Variants in ADAMTS20 observed in about 807,000 individuals in gnomAD.
ADAMTS20 encodes A disintegrin and metalloproteinase with thrombospondin motifs 20.
ADAMTS20 carries 225 observed loss-of-function variants against 260.1 expected under a neutral mutation model. The ratio of observed to expected loss-of-function variants is 0.87; its 90% CI spans 0.78 to 0.97. The LOEUF (loss-of-function observed/expected upper bound fraction) is 0.97. Ranked by LOEUF, ADAMTS20 falls within the 50% of genes least tolerant of loss-of-function variation. ADAMTS20 has a pLI of 0.00. For missense variants in ADAMTS20, 2,400 were observed against 2,337.7 expected, an observed-to-expected ratio of 1.03 and a Z score of -0.55; for synonymous variants, 802 against 769.5, an observed-to-expected ratio of 1.04 and a Z score of -0.70.
At chr12:43,455,584 T>C (rs900416396) in intron 11 of ADAMTS20, among the ~76,000 whole-genome samples, 15 of 152,164 alleles carry the variant, frequency 9.9e-5, no homozygotes, top group African/African-American at 1.9e-4. Context: ...CATCTCCCAA[T>C]ACTGTTACAC....
In ADAMTS20 at chr12:43,551,197, G is replaced by A; in HGVS notation, c.165C>T (p.Phe55=). 1 of 1,613,888 alleles carries A rather than the reference G, an allele frequency of 6.2e-7. No individual in the cohort carries two copies. The highest frequency in any genetic ancestry group is 8.5e-7 in the Non-Finnish European group (1 of 1,179,874). Residue 55 remains phenylalanine (F), a synonymous_variant, in exon 2 of 39, where the codon TTC becomes TTT. Coordinates refer to ENST00000389420, the MANE Select transcript of ADAMTS20 (RefSeq NM_025003.5). The surrounding 1 kb of genome is among the most constrained non-coding windows in gnomAD (Gnocchi z 4.6). ...GCCGGCTGAAGTGGTGGCTCTGAGG[G>A]AACACTTCTCCAAACTCATTGACCC... is the stretch of plus-strand genomic sequence containing the variant. ...PERVNEFGEV[F]PQSHHFSRQK...
rs2137382680 is a variant in ADAMTS20, at chr12:43,466,772, T to C, written c.1247A>G (p.Asn416Ser). The change falls in exon 9 of 39, where the codon AAT becomes AGT. Residue 416 changes from asparagine (N) to serine (S), a missense_variant. Physicochemically the swap from Asn to Ser is conservative, Grantham distance 46 (BLOSUM62 1). Coordinates refer to ENST00000389420, the MANE Select transcript of ADAMTS20 (RefSeq NM_025003.5). ...AACTTTCATTTCTTTACATCTAGGA[T>C]TATCATCATGTTGAACACCAAGTCT... is the stretch of plus-strand genomic sequence containing the variant. ...GHTLGVQHDDNPRCKEMKVTK... is the reference protein window; with the variant it reads ...GHTLGVQHDDSPRCKEMKVTK... 2 of 1,603,080 alleles carry C rather than the reference T, an allele frequency of 1.2e-6. No homozygotes were observed. Among genetic ancestry groups the C allele is most frequent in the Non-Finnish European group, 1.7e-6 (2 of 1,173,838 alleles).
In ADAMTS20 at chr12:43,434,368, A is replaced by T. The variant is rs1174054723; in HGVS notation, c.2597T>A (p.Leu866His). The change falls in exon 19 of 39, where the codon CTT becomes CAT. Residue 866 changes from leucine to histidine, a missense_variant. Leu to His is a moderately conservative substitution (Grantham distance 99, BLOSUM62 -3). Coordinates refer to ENST00000389420, the MANE Select transcript of ADAMTS20 (RefSeq NM_025003.5). ...WEGCTKMCQG[L>H]QRRNITCIHK... ...TATGCAAGTTATGTTTCTTCGCTGAAGACCTTGGCCAAAGTCAAATGAAAA... is the reference window on the plus strand; with the variant it reads ...TATGCAAGTTATGTTTCTTCGCTGATGACCTTGGCCAAAGTCAAATGAAAA... The T allele has an allele frequency of 1.3e-6, 2 of 1,579,578 alleles. No homozygotes were observed. The highest frequency in any genetic ancestry group is 1.7e-6 in the Non-Finnish European group (2 of 1,162,506).
intron 28 of ADAMTS20, among the ~76,000 whole-genome samples, chr12:43,404,725 AAATT>A (rs1940879704): frequency 6.6e-6 from 1 of 152,188 alleles, no homozygotes; most frequent in Non-Finnish European, 1.5e-5. Flanking sequence ...AATACACTAA[AAATT>A]AGTCTTTGAA....
intron 11 of ADAMTS20, among the ~76,000 whole-genome samples, chr12:43,462,504 T>A (rs1490802106): frequency 6.6e-6 from 1 of 152,140 alleles, no homozygotes; most frequent in African/African-American, 2.4e-5. Flanking sequence ...ACTTAAAACT[T>A]TCAATTGTAT....
intron 2 of ADAMTS20, among the ~76,000 whole-genome samples, chr12:43,547,836 T>C (rs1430488468): frequency 1.3e-5 from 2 of 152,132 alleles, no homozygotes; most frequent in Admixed American, 6.5e-5. Flanking sequence ...TGAGCTCTCA[T>C]TGAACTAGGA....
intron 18 of ADAMTS20, among the ~76,000 whole-genome samples, chr12:43,436,126 T>A (rs1016457477): frequency 1.4e-4 from 22 of 152,030 alleles, no homozygotes; most frequent in African/African-American, 5.3e-4. Context: ...AAATTTTGAA[T>A]ATGAAAAGTA....
intron 2 of ADAMTS20, among the ~76,000 whole-genome samples, chr12:43,545,773 C>CTT (rs147609489): frequency 9.3e-5 from 14 of 151,314 alleles, no homozygotes; most frequent in South Asian, 2.1e-4. Context: ...CATTCTCATC[C>CTT]TTTTTTTTTC....
intron 7 of ADAMTS20, among the ~76,000 whole-genome samples, chr12:43,477,054 A>T (rs1405605044): frequency 4.3e-5 from 3 of 70,584 alleles, no homozygotes; most frequent in Non-Finnish European, 7.9e-5. Context: ...ACCTCTAAAT[A>T]AAAAAAAAAA....
intron 3 of ADAMTS20, among the ~76,000 whole-genome samples, chr12:43,509,648 A>G (rs1464717507): frequency 1.3e-5 from 2 of 152,142 alleles, no homozygotes; most frequent in Non-Finnish European, 2.9e-5. Flanking sequence ...GATGACAAAC[A>G]TGGAATTAAG....
Position 43,434,310 on chromosome 12 carries a change from T to C in ADAMTS20, c.2655A>G (p.Lys885=). ...ATGGAAGTGGCAAGTGGTCACATTC[T>C]TTATCAGACACAACACTATGATCAC... ...HKSDHSVVSD[K]ECDHLPLPSF... Residue 885 remains lysine, a synonymous_variant, in exon 19 of 39, where the codon AAA becomes AAG. Coordinates refer to ENST00000389420, the MANE Select transcript of ADAMTS20 (RefSeq NM_025003.5). 6.3e-7 allele frequency: 1 copy of C among 1,593,516 alleles called. No homozygotes were observed. Among genetic ancestry groups the C allele is most frequent in the Non-Finnish European group, 8.6e-7 (1 of 1,168,658 alleles).
intron 28 of ADAMTS20, among the ~76,000 whole-genome samples, chr12:43,419,974 T>A (rs1366965966): frequency 6.6e-6 from 1 of 152,222 alleles, no homozygotes; most frequent in African/African-American, 2.4e-5. Context: ...TGCAAAATAT[T>A]ATTCTTTTAT....
intron 3 of ADAMTS20, among the ~76,000 whole-genome samples, chr12:43,514,436 C>A (rs1042025006): frequency 5.3e-5 from 8 of 151,548 alleles, no homozygotes; most frequent in African/African-American, 1.9e-4. Context: ...GTGGCGCGTG[C>A]CTGTAATCCC....
At chr12:43,467,895 C>T (rs1357142318) in intron 8 of ADAMTS20, among the ~76,000 whole-genome samples, 1 of 152,114 alleles carries the variant, frequency 6.6e-6, no homozygotes, top group East Asian at 1.9e-4. Context: ...CAACTCTAGA[C>T]TCAGGTCCTT....
At chr12:43,543,993 A>G (rs1161761577) in intron 2 of ADAMTS20, among the ~76,000 whole-genome samples, 1 of 152,200 alleles carries the variant, frequency 6.6e-6, no homozygotes, top group Non-Finnish European at 1.5e-5. Context: ...TACCACCAAA[A>G]CCTAATAGTG....
intron 7 of ADAMTS20, among the ~76,000 whole-genome samples, chr12:43,470,980 G>A (rs979354991): frequency 1.1e-4 from 16 of 152,192 alleles, no homozygotes; most frequent in Non-Finnish European, 2.4e-4. Context: ...TATCGGGGAG[G>A]AGCCAAGATG....
intron 35 of ADAMTS20, among the ~76,000 whole-genome samples, 187 bp from the exon 36 acceptor site, chr12:43,375,699 G>A (rs1940211570): frequency 6.6e-6 from 1 of 152,282 alleles, no homozygotes; most frequent in South Asian, 2.1e-4. Context: ...CATCTAAGAA[G>A]AGCTTGTAGA....
At chr12:43,518,232 T>G (rs1464072780) in intron 3 of ADAMTS20, among the ~76,000 whole-genome samples, 1 of 152,148 alleles carries the variant, frequency 6.6e-6, no homozygotes, top group African/African-American at 2.4e-5. Context: ...TAAGTTTTAC[T>G]TATGCAAATA....
At chr12:43,405,820 T>C (rs1940908878) in intron 28 of ADAMTS20, among the ~76,000 whole-genome samples, 1 of 152,210 alleles carries the variant, frequency 6.6e-6, no homozygotes, top group Non-Finnish European at 1.5e-5. Flanking sequence ...TATTACTAGA[T>C]ATGTCACTTC....
Sources: allele counts gnomAD v4.1 joint callset (sites outside exome capture counted in the v4.1 genomes callset), GRCh38; gene constraint gnomAD v4.1.1; non-coding constraint Gnocchi (gnomAD v3.1); transcripts MANE v1.5; gene names NCBI Gene and HGNC (gene_info 2026-07-23, HGNC 2026-07-21).